RBMS3: variants seen among roughly 807,000 people sequenced by gnomAD.
The protein encoded by RBMS3 is RNA binding motif single stranded interacting protein 3, also known as RNA-binding motif, single-stranded-interacting protein 3.
A neutral mutation model predicts 66.8 loss-of-function variants in RBMS3; 27 were observed. That is an observed-to-expected ratio of 0.40 (90% CI 0.30 to 0.56). The LOEUF is 0.56. Ranked by LOEUF, RBMS3 falls within the 20% of genes least tolerant of loss-of-function variation. The pLI is 0.40. For missense variants in RBMS3, 513 were observed against 549.5 expected, an observed-to-expected ratio of 0.93 and a Z score of 0.66; for synonymous variants, 188 against 183.0, an observed-to-expected ratio of 1.03 and a Z score of -0.22.
intron 9 of RBMS3, among the ~76,000 whole-genome samples, chr3:29,899,418 T>C (rs2060200319): frequency 6.6e-6 from 1 of 151,666 alleles, no homozygotes; most frequent in Non-Finnish European, 1.5e-5. Context: ...CTCCTAAAAC[T>C]TTAGCGTTCA....
intron 6 of RBMS3, among the ~76,000 whole-genome samples, chr3:29,768,166 G>A (rs1247635145): frequency 2.0e-5 from 3 of 151,874 alleles, no homozygotes; most frequent in African/African-American, 7.2e-5. Flanking sequence ...TTATTTCTAT[G>A]CATCAAACAT....
At chr3:29,541,373 A>C (rs753320562) in intron 3 of RBMS3, among the ~76,000 whole-genome samples, 1 of 151,978 alleles carries the variant, frequency 6.6e-6, no homozygotes, top group African/African-American at 2.4e-5. Context: ...GTAAAAGTCA[A>C]CTCTGCTCTT....
At position 29,487,120 on chromosome 3, in the gene RBMS3, C is replaced by A. The variant is rs145292741; in HGVS notation, c.249-1321C>A. On this transcript the variant is annotated intron_variant, in intron 2 of 14. Coordinates refer to ENST00000383767, the MANE Select transcript of RBMS3 (RefSeq NM_001003793.3). ...TAGTTAATGGGTATGATTGTAGGTA[C>A]GATGAATCATTGTCTAGTAAAGAGA... Among the ~76,000 whole-genome samples, 6 of 152,178 alleles carry A rather than the reference C, an allele frequency of 3.9e-5. No homozygotes were observed. The East Asian group carries it at 1.2e-3, about 29-fold the overall frequency.
At chr3:29,598,725 C>T (rs193238330) in intron 4 of RBMS3, among the ~76,000 whole-genome samples, 9 of 152,068 alleles carry the variant, frequency 5.9e-5, no homozygotes, top group South Asian at 2.1e-4. Context: ...TCCCCACCTC[C>T]GTCTAAGAGC....
chr3:29,416,531 C>T (rs2040483804), intron 1 of RBMS3, among the ~76,000 whole-genome samples: 1 of 119,022 alleles, frequency 8.4e-6, no homozygotes, highest in Non-Finnish European at 1.8e-5. Flanking sequence ...CACTAGTTTC[C>T]CTATTTGCAT....
At chr3:29,925,925 G>A (rs2060925874) in intron 10 of RBMS3, among the ~76,000 whole-genome samples, 1 of 152,134 alleles carries the variant, frequency 6.6e-6, no homozygotes, top group African/African-American at 2.4e-5. Flanking sequence ...TAAAATCTAA[G>A]CGGAATAAAA....
At chr3:29,618,620 C>A (rs755132455) in intron 4 of RBMS3, among the ~76,000 whole-genome samples, 9 of 151,988 alleles carry the variant, frequency 5.9e-5, no homozygotes, top group African/African-American at 2.2e-4. Flanking sequence ...TAATGATGAG[C>A]CTGCCTTGAA....
At chr3:29,333,308 A>T (rs1429355261) in intron 1 of RBMS3, among the ~76,000 whole-genome samples, 2 of 152,252 alleles carry the variant, frequency 1.3e-5, no homozygotes, top group East Asian at 3.9e-4. Context: ...CTAGTCAGTG[A>T]TCATTTGCAT....
At chr3:29,484,335 T>G (rs1412254210) in intron 2 of RBMS3, among the ~76,000 whole-genome samples, 1 of 152,166 alleles carries the variant, frequency 6.6e-6, no homozygotes, top group Non-Finnish European at 1.5e-5. Flanking sequence ...AAATACAAGA[T>G]CAAGGTATTG....
At position 30,001,550 on chromosome 3, in the gene RBMS3, A is replaced by C. The variant is rs192463140; in HGVS notation, c.1308-2306A>C. ...TATTGCAAGTTCTTTTTATACTTCA[A>C]ATCTTCTCTGGCTAACTGAACTGCC... On this transcript the variant is annotated intron_variant, in intron 14 of 14. Coordinates refer to ENST00000383767, the MANE Select transcript of RBMS3 (RefSeq NM_001003793.3). 1.2e-4 allele frequency among the ~76,000 whole-genome samples: 18 copies of C among 152,040 alleles called. No individual in the cohort carries two copies. In the East Asian group the frequency reaches 3.3e-3, roughly 28 times the overall value.
At chr3:29,428,240 G>C (rs2041038922) in intron 1 of RBMS3, among the ~76,000 whole-genome samples, 1 of 151,986 alleles carries the variant, frequency 6.6e-6, no homozygotes, top group East Asian at 1.9e-4. Context: ...GGGACATTTG[G>C]CAGTATCTGG....
intron 6 of RBMS3, among the ~76,000 whole-genome samples, chr3:29,865,669 A>G (rs2149543936): frequency 6.6e-6 from 1 of 152,292 alleles, no homozygotes; most frequent in African/African-American, 2.4e-5. Flanking sequence ...CTCCTCACCT[A>G]TGAATTAGAC....
At chr3:29,451,200 A>G (rs764098776) in intron 2 of RBMS3, among the ~76,000 whole-genome samples, 36 of 152,180 alleles carry the variant, frequency 2.4e-4, no homozygotes, top group Non-Finnish European at 4.4e-4. Context: ...ATTCCACAGA[A>G]CCAACACTTT....
At chr3:29,827,064 C>T (rs2058229811) in intron 6 of RBMS3, among the ~76,000 whole-genome samples, 1 of 152,166 alleles carries the variant, frequency 6.6e-6, no homozygotes, top group African/African-American at 2.4e-5. Flanking sequence ...TAGCTACCTA[C>T]ATTCCAGCAA....
At chr3:29,494,978 A>G (rs928115410) in intron 3 of RBMS3, among the ~76,000 whole-genome samples, 11 of 151,782 alleles carry the variant, frequency 7.2e-5, no homozygotes, top group African/African-American at 2.7e-4. Flanking sequence ...TTGTTGTCAC[A>G]GGCTGGTTAA....
intron 10 of RBMS3, among the ~76,000 whole-genome samples, chr3:29,916,388 T>C (rs776184917): frequency 2.6e-5 from 4 of 152,008 alleles, no homozygotes; most frequent in Non-Finnish European, 4.4e-5. Context: ...AAAGAGCATA[T>C]GCTTTTTCCC....
intron 10 of RBMS3, among the ~76,000 whole-genome samples, chr3:29,908,506 G>A (rs947115708): frequency 3.9e-5 from 6 of 152,044 alleles, no homozygotes; most frequent in African/African-American, 1.4e-4. Flanking sequence ...TGCCTAATAA[G>A]GAATTTTTAG....
At chr3:29,763,880 T>C (rs13065346) in intron 6 of RBMS3, among the ~76,000 whole-genome samples, 2 of 152,106 alleles carry the variant, frequency 1.3e-5, no homozygotes, top group Admixed American at 6.6e-5. Context: ...GTCTTTTATA[T>C]ACAGTTATTC....
intron 4 of RBMS3, among the ~76,000 whole-genome samples, chr3:29,595,408 A>AG (rs1377437743): frequency 6.6e-6 from 1 of 151,448 alleles, no homozygotes; most frequent in Non-Finnish European, 1.5e-5. Flanking sequence ...AAAAAAAAAA[A>AG]AAAAAAAGAA....
Sources: allele counts gnomAD v4.1 joint callset (sites outside exome capture counted in the v4.1 genomes callset), GRCh38; gene constraint gnomAD v4.1.1; transcripts MANE v1.5; gene names NCBI Gene and HGNC (gene_info 2026-07-23, HGNC 2026-07-21).